Variants in NPLOC4 observed in about 807,000 individuals in gnomAD.
NPLOC4 encodes NPL4 homolog, ubiquitin recognition factor, also known as nuclear protein localization protein 4 homolog.
A neutral mutation model predicts 80.6 loss-of-function variants in NPLOC4; 18 were observed. The observed-to-expected ratio is 0.22, with a 90% CI of 0.15 to 0.33. The LOEUF is 0.33. Ranked by LOEUF, NPLOC4 falls within the 10% of genes least tolerant of loss-of-function variation. NPLOC4 has a pLI of 1.00. For missense variants in NPLOC4, 540 were observed against 786.1 expected, an observed-to-expected ratio of 0.69 and a Z score of 3.74; for synonymous variants, 313 against 301.5, an observed-to-expected ratio of 1.04 and a Z score of -0.39.
chr17:81,574,780 G>A (rs1295691861), intron 12 of NPLOC4, among the ~76,000 whole-genome samples: 1 of 152,138 alleles, frequency 6.6e-6, no homozygotes, highest in African/African-American at 2.4e-5. Flanking sequence ...TTGGGAGGCC[G>A]AGGTGGGCAG....
In NPLOC4 at chr17:81,637,015, A is replaced by C; in HGVS notation, c.-85T>G. ...GCCTCGCAGACCCGGCCGCGGCCTC[A>C]GCCCCGGCCCCGGCCTCCCTACGCC... On this transcript the variant is annotated 5_prime_UTR_variant, in exon 1 of 17. Transcript: ENST00000331134. 1 of 917,084 alleles carries C rather than the reference A, an allele frequency of 1.1e-6. No homozygotes were observed. The highest frequency in any genetic ancestry group is 1.4e-6 in the Non-Finnish European group (1 of 713,022). 56.8% of individuals were successfully genotyped at this position (917,084 alleles called of 1,614,324 possible).
At chr17:81,615,620 C>A (rs561884131) in intron 3 of NPLOC4, among the ~76,000 whole-genome samples, 2 of 152,326 alleles carry the variant, frequency 1.3e-5, no homozygotes, top group South Asian at 4.1e-4. Flanking sequence ...GGGGCCAAGG[C>A]CACTCTCAGT....
At chr17:81,622,026 C>T (rs75305572) in intron 3 of NPLOC4, 140 bp downstream of exon 3, 56,562 of 638,084 alleles carry the variant, frequency 0.089, 2,891 homozygotes, top group Middle Eastern at 0.14. Flanking sequence ...GCAAGCAACA[C>T]GGTCATGTGT....
intron 12 of NPLOC4, among the ~76,000 whole-genome samples, chr17:81,585,035 C>T (rs1490978397): frequency 6.6e-6 from 1 of 151,656 alleles, no homozygotes; most frequent in Admixed American, 6.6e-5. Context: ...CCAGGCGTGG[C>T]AGCGTGCGCC....
Position 81,586,600 on chromosome 17 carries a change from AC to A in NPLOC4, c.1281+2343del, listed in dbSNP as rs901883922. ...ACTCCAGCCTGGGTAACAGAGCAAAACTGTCTCAAAAAAAAAAAAAAAAGAT... is the reference window on the plus strand; with the variant it reads ...ACTCCAGCCTGGGTAACAGAGCAAAATGTCTCAAAAAAAAAAAAAAAAGAT... On this transcript the variant is annotated intron_variant, in intron 12 of 16. Transcript: ENST00000331134. Among the ~76,000 whole-genome samples, 253 of 132,606 alleles carry A rather than the reference AC, an allele frequency of 1.9e-3. 2 individuals carry two copies. The highest frequency in any genetic ancestry group is 6.6e-3 in the African/African-American group (243 of 36,662). 87.0% of individuals were successfully genotyped at this position (132,606 alleles called of 152,430 possible).
chr17:81,598,250 G>C (rs2034973335), intron 9 of NPLOC4, among the ~76,000 whole-genome samples: 1 of 152,122 alleles, frequency 6.6e-6, no homozygotes, highest in Admixed American at 6.5e-5. Flanking sequence ...CACACCCAGG[G>C]ATCTCCATCT....
chr17:81,613,854 C>A (rs959714988), intron 3 of NPLOC4, among the ~76,000 whole-genome samples: 1 of 152,104 alleles, frequency 6.6e-6, no homozygotes, highest in Non-Finnish European at 1.5e-5. Flanking sequence ...CTCAGCCATT[C>A]CTCTGGCCTC....
chr17:81,585,351 T>C (rs755810288), intron 12 of NPLOC4, among the ~76,000 whole-genome samples: 3 of 152,098 alleles, frequency 2.0e-5, no homozygotes, highest in East Asian at 1.9e-4. Context: ...TGTGCTCATA[T>C]AGCTGATTAT....
At chr17:81,621,007 G>A (rs375402063) in intron 3 of NPLOC4, among the ~76,000 whole-genome samples, 6 of 151,324 alleles carry the variant, frequency 4.0e-5, no homozygotes, top group Admixed American at 1.3e-4. Flanking sequence ...TGGGTGACAC[G>A]GTGAGATTCT....
intron 11 of NPLOC4, among the ~76,000 whole-genome samples, chr17:81,595,444 C>A (rs546654484): frequency 2.8e-5 from 4 of 140,388 alleles, no homozygotes; most frequent in East Asian, 2.1e-4. Flanking sequence ...AAAAAAAAAA[C>A]CCGTTTTGCT....
Position 81,636,889 on chromosome 17 carries a change from C to T in NPLOC4, c.15+27G>A, listed in dbSNP as rs1166546609. 4.3e-6 allele frequency: 6 copies of T among 1,407,602 alleles called. No individual in the cohort carries two copies. In the African/African-American group the frequency reaches 5.9e-5, roughly 14 times the overall value. 87.2% of individuals were successfully genotyped at this position (1,407,602 alleles called of 1,614,324 possible). ...AATCTGCTGCCTCATCCCGGCGTCC[C>T]CGCTCCCGCCCGGCCGCCGCACTCA... On this transcript the variant is annotated intron_variant, in intron 1 of 16. Transcript: ENST00000331134.
In NPLOC4 at chr17:81,559,254, G is replaced by A. The variant is rs1224542290; in HGVS notation, c.*5C>T. 3 of 1,597,160 alleles carry A rather than the reference G, an allele frequency of 1.9e-6. No individual in the cohort carries two copies. Among genetic ancestry groups the A allele is most frequent in the Admixed American group, 1.7e-5 (1 of 57,408 alleles). On this transcript the variant is annotated 3_prime_UTR_variant, in exon 17 of 17. Coordinates refer to ENST00000331134, the MANE Select transcript of NPLOC4 (RefSeq NM_017921.4). ...CCCGGTCCTAGCCAGCAGAGGGCAG[G>A]CGCCCTAGGTCCTGGGGAGGCTGCA...
intron 12 of NPLOC4, 118 bp downstream of exon 12, chr17:81,588,826 G>T (rs142504917): frequency 1.1e-5 from 9 of 831,508 alleles, no homozygotes; most frequent in Middle Eastern, 3.6e-4. Context: ...TGACAAGCAG[G>T]GTTCAACCAC....
chr17:81,627,333 A>C (rs969093247), intron 2 of NPLOC4, among the ~76,000 whole-genome samples: 10 of 151,458 alleles, frequency 6.6e-5, no homozygotes, highest in Non-Finnish European at 1.3e-4. Flanking sequence ...CAGAGCTTGC[A>C]GTGAGCCGAG....
chr17:81,571,820 T>C (rs1277730486), intron 13 of NPLOC4, among the ~76,000 whole-genome samples, 197 bp downstream of exon 13: 1 of 152,134 alleles, frequency 6.6e-6, no homozygotes, highest in African/African-American at 2.4e-5. Flanking sequence ...CCCTTAAAAC[T>C]GTGAGCATTT....
intron 2 of NPLOC4, 95 bp from the exon 3 acceptor site, chr17:81,622,373 A>G: frequency 1.1e-6 from 1 of 933,634 alleles, no homozygotes; most frequent in South Asian, 1.4e-5. Context: ...AGTATTCACC[A>G]AATTTGGAAA....
chr17:81,603,101 C>T (rs957402633), intron 8 of NPLOC4, among the ~76,000 whole-genome samples: 1 of 151,688 alleles, frequency 6.6e-6, no homozygotes, highest in Admixed American at 6.6e-5. Context: ...CCCAAGAGGG[C>T]TGCAATTGAG....
In NPLOC4 at chr17:81,572,739, T is replaced by A. The variant is rs1451058064; in HGVS notation, c.1282-651A>T. On this transcript the variant is annotated intron_variant, in intron 12 of 16. Transcript: ENST00000331134. This position sits in a 1 kb window ranked among gnomAD's most constrained non-coding sequence, Gnocchi z 4.5. The stretch of plus-strand genomic sequence containing the variant: ...CTGCGACAGGCAGAAGGGTCTGCGT[T>A]CCCCTCAGGTTGGACCTGTGCCCTG... Among the ~76,000 whole-genome samples the A allele has an allele frequency of 2.0e-5, 3 of 152,230 alleles. No individual in the cohort carries two copies. Among genetic ancestry groups the A allele is most frequent in the Admixed American group, 6.5e-5 (1 of 15,280 alleles).
chr17:81,629,629 G>C, intron 2 of NPLOC4, 96 bp downstream of exon 2: 1 of 973,782 alleles, frequency 1.0e-6, no homozygotes, highest in South Asian at 1.4e-5. Flanking sequence ...TGGGAATAGG[G>C]AAAATAAGAA....
Sources: gnomAD v4.1 joint callset for allele counts (sites outside exome capture counted in the v4.1 genomes callset) on GRCh38, gnomAD v4.1.1 for gene constraint, Gnocchi (gnomAD v3.1) non-coding constraint, MANE v1.5 for transcripts, NCBI Gene and HGNC (gene_info 2026-07-23, HGNC 2026-07-21) for gene names.